Variants in SOX5 observed in about 807,000 individuals in gnomAD.
SOX5 encodes transcription factor SOX-5.
A neutral mutation model predicts 92.0 loss-of-function variants in SOX5; 9 were observed. The ratio of observed to expected loss-of-function variants is 0.10; its 90% CI spans 0.06 to 0.17. The LOEUF (loss-of-function observed/expected upper bound fraction) is 0.17. SOX5 is among the 10% of genes least tolerant of loss of function. The pLI is 1.00. For missense variants in SOX5, 642 were observed against 944.5 expected, an observed-to-expected ratio of 0.68 and a Z score of 4.20; for synonymous variants, 344 against 336.3, an observed-to-expected ratio of 1.02 and a Z score of -0.25.
chr12:24,173,943 G>A (rs1187532056), intron 4 of SOX5, among the ~76,000 whole-genome samples: 2 of 152,032 alleles, frequency 1.3e-5, no homozygotes, highest in African/African-American at 4.8e-5. Context: ...GAGCCCTACT[G>A]AATCAGAATC....
intron 2 of SOX5, among the ~76,000 whole-genome samples, chr12:24,347,567 TC>T (rs1220672916): frequency 1.3e-5 from 2 of 152,200 alleles, no homozygotes; most frequent in Admixed American, 6.5e-5. Context: ...AGTTATCAAT[TC>T]TTTAAATAAT....
At chr12:23,758,097 C>T (rs577484584) in intron 3 of SOX5, among the ~76,000 whole-genome samples, 56 of 148,680 alleles carry the variant, frequency 3.8e-4, no homozygotes, top group African/African-American at 9.4e-4. Context: ...ATCTAAATCA[C>T]GGTTGTCATG....
chr12:24,465,754 G>A (rs1320977686), intron 1 of SOX5, among the ~76,000 whole-genome samples: 5 of 152,182 alleles, frequency 3.3e-5, no homozygotes, highest in African/African-American at 1.2e-4. Context: ...GATCAATGTG[G>A]TAAATGGCAC....
At chr12:23,602,910 C>T (rs1285769405) in intron 9 of SOX5, among the ~76,000 whole-genome samples, 2 of 151,942 alleles carry the variant, frequency 1.3e-5, no homozygotes, top group African/African-American at 4.8e-5. Context: ...GCAGACCAGG[C>T]CTTAGATATA....
intron 3 of SOX5, among the ~76,000 whole-genome samples, chr12:23,812,999 C>T (rs1375254495): frequency 6.6e-6 from 1 of 152,148 alleles, no homozygotes; most frequent in Non-Finnish European, 1.5e-5. Flanking sequence ...ACATTCAGTG[C>T]TGTCTAAACA....
At chr12:24,194,464 T>C (rs192899599) in intron 4 of SOX5, among the ~76,000 whole-genome samples, 323 of 152,030 alleles carry the variant, frequency 2.1e-3, no homozygotes, top group Non-Finnish European at 3.4e-3. Flanking sequence ...TAGAGAGATA[T>C]GTGTGTGTGT....
At chr12:23,726,409 C>G (rs1172717335) in intron 6 of SOX5, among the ~76,000 whole-genome samples, 1 of 152,050 alleles carries the variant, frequency 6.6e-6, no homozygotes, top group Non-Finnish European at 1.5e-5. Context: ...TTTTCAAAGA[C>G]AGGAGGTAGA....
chr12:24,129,337 AT>A (rs146951188), intron 4 of SOX5, among the ~76,000 whole-genome samples: 1 of 152,196 alleles, frequency 6.6e-6, no homozygotes, highest in Admixed American at 6.5e-5. Flanking sequence ...CCCTTTACTA[AT>A]TTTTTTAAAG....
intron 7 of SOX5, among the ~76,000 whole-genome samples, chr12:23,660,957 C>A (rs780020562): frequency 6.6e-6 from 1 of 152,182 alleles, no homozygotes; most frequent in Non-Finnish European, 1.5e-5. Context: ...GAATTAGCTA[C>A]ACCACCCTGG....
At chr12:24,437,823 C>A (rs1939735036) in intron 1 of SOX5, among the ~76,000 whole-genome samples, 1 of 152,204 alleles carries the variant, frequency 6.6e-6, no homozygotes. Flanking sequence ...AATGCTTTTA[C>A]ACTGTTGGTA....
intron 2 of SOX5, among the ~76,000 whole-genome samples, chr12:24,321,966 C>G (rs551781712): frequency 6.6e-6 from 1 of 152,144 alleles, no homozygotes; most frequent in South Asian, 2.1e-4. Context: ...ACTACAGGAC[C>G]TTTATTTTCT....
Position 24,094,985 on chromosome 12 carries a change from TGTACAA to T in SOX5, c.-2+118352_-2+118357del, listed in dbSNP as rs768983611. Reference sequence around the variant, plus strand: ...TCCTTTTGTTTATCCAAGGAAATCATGTACAAGTACATCTTATCCTTCTGGAAATGA... The same window carrying T: ...TCCTTTTGTTTATCCAAGGAAATCATGTACATCTTATCCTTCTGGAAATGA... On this transcript the variant is annotated intron_variant, in intron 4 of 4. Transcript: ENST00000446891. Among the ~76,000 whole-genome samples the T allele has an allele frequency of 1.6e-4, 24 of 152,280 alleles. 1 individual carries two copies. The highest frequency in any genetic ancestry group is 7.2e-4 in the Admixed American group (11 of 15,288).
chr12:24,146,530 A>T (rs1208904210), intron 4 of SOX5, among the ~76,000 whole-genome samples: 1 of 152,090 alleles, frequency 6.6e-6, no homozygotes, highest in African/African-American at 2.4e-5. Flanking sequence ...CTATTTTTTT[A>T]AAAATGTCTC....
chr12:23,676,434 A>G (rs2085702376), intron 6 of SOX5, among the ~76,000 whole-genome samples: 1 of 152,090 alleles, frequency 6.6e-6, no homozygotes, highest in African/African-American at 2.4e-5. Context: ...TTTCCTCAAA[A>G]CCCGGCTTAA....
At chr12:23,741,679 C>T (rs1196219220) in intron 4 of SOX5, among the ~76,000 whole-genome samples, 1 of 152,144 alleles carries the variant, frequency 6.6e-6, no homozygotes, top group African/African-American at 2.4e-5. Context: ...TATGCCAATT[C>T]AGAGTCTATC....
intron 2 of SOX5, among the ~76,000 whole-genome samples, chr12:23,853,010 T>C (rs2096649276): frequency 6.6e-6 from 1 of 151,644 alleles, no homozygotes; most frequent in Non-Finnish European, 1.5e-5. Context: ...ATCATTAAAG[T>C]AATGGGACAA....
At chr12:23,624,678 T>C (rs1052675841) in intron 8 of SOX5, among the ~76,000 whole-genome samples, 2 of 152,164 alleles carry the variant, frequency 1.3e-5, no homozygotes, top group Non-Finnish European at 2.9e-5. Flanking sequence ...GATTGGAGAA[T>C]TGCTTTCTGA....
At chr12:23,893,222 C>T (rs547007646) in intron 2 of SOX5, among the ~76,000 whole-genome samples, 7 of 151,968 alleles carry the variant, frequency 4.6e-5, no homozygotes, top group East Asian at 1.9e-4. Context: ...CCGATGTGGG[C>T]GGATCACAAG....
At position 24,003,769 on chromosome 12, in the gene SOX5, G is replaced by GT. The variant is rs59230154; in HGVS notation, c.-1-107746dup. 2.6e-3 allele frequency among the ~76,000 whole-genome samples: 389 copies of GT among 147,970 alleles called. No homozygotes were observed. In the Middle Eastern group the frequency reaches 0.027, roughly 10 times the overall value. ...ATACTCCCTATAAAAATGCCAGCAG[G>GT]TTTTTTTTTTGGAAAAAACTTACAA... On this transcript the variant is annotated intron_variant, in intron 4 of 4. Coordinates refer to the SOX5 transcript ENST00000446891.
Sources: gnomAD v4.1 joint callset for allele counts (sites outside exome capture counted in the v4.1 genomes callset) on GRCh38, gnomAD v4.1.1 for gene constraint, MANE v1.5 for transcripts, NCBI Gene and HGNC (gene_info 2026-07-23, HGNC 2026-07-21) for gene names.